Variants in EYS observed in about 807,000 individuals in gnomAD.
EYS encodes protein eyes shut homolog.
EYS carries 250 observed loss-of-function variants against 282.1 expected under a neutral mutation model. The observed-to-expected ratio is 0.89, with a 90% CI of 0.80 to 0.98. EYS has a LOEUF of 0.98. EYS is among the 50% of genes least tolerant of loss of function. The pLI, the probability that EYS is intolerant of heterozygous loss-of-function variation, is 0.00. For synonymous variants in EYS, 1,355 were observed against 1,282.9 expected (o/e 1.06, Z -1.20); for missense variants, 4,016 against 3,709.0 (o/e 1.08, Z -2.15).
chr6:64,011,249 C>T (rs1768609846), intron 33 of EYS, among the ~76,000 whole-genome samples: 1 of 152,104 alleles, frequency 6.6e-6, no homozygotes, highest in Admixed American at 6.6e-5. Context: ...TCACTGCTAG[C>T]ACATAAAAGT....
At chr6:64,663,029 T>C (rs1226305465) in intron 22 of EYS, among the ~76,000 whole-genome samples, 1 of 152,160 alleles carries the variant, frequency 6.6e-6, no homozygotes, top group Non-Finnish European at 1.5e-5. Flanking sequence ...TGAATAGGAA[T>C]GTATTCAAGA....
chr6:64,514,062 ATTC>A (rs1362783966), intron 26 of EYS, among the ~76,000 whole-genome samples: 2 of 151,740 alleles, frequency 1.3e-5, no homozygotes, highest in Non-Finnish European at 1.5e-5. Context: ...TCATTGAATC[ATTC>A]TTCATCTGCA....
chr6:64,111,929 C>T (rs1773218435), intron 31 of EYS, among the ~76,000 whole-genome samples: 1 of 151,936 alleles, frequency 6.6e-6, no homozygotes, highest in Admixed American at 6.6e-5. Flanking sequence ...TATAAAATCC[C>T]AGGTGTACTT....
intron 14 of EYS, among the ~76,000 whole-genome samples, chr6:64,946,339 T>C (rs545224575): frequency 6.6e-6 from 1 of 152,152 alleles, no homozygotes; most frequent in East Asian, 1.9e-4. Flanking sequence ...GACAGATTTA[T>C]TGTTACAGAT....
At chr6:63,750,782 A>G (rs1019915874) in intron 41 of EYS, among the ~76,000 whole-genome samples, 13 of 152,328 alleles carry the variant, frequency 8.5e-5, no homozygotes, top group African/African-American at 2.6e-4. Context: ...TTTGTCTTAC[A>G]ATAGCCTTAG....
chr6:64,554,175 G>T (rs1380328362), intron 26 of EYS, among the ~76,000 whole-genome samples: 2 of 151,992 alleles, frequency 1.3e-5, no homozygotes, highest in Admixed American at 1.3e-4. Context: ...ACTTTCAAAT[G>T]GCTATAGTCC....
At chr6:64,153,268 T>C (rs994828203) in intron 31 of EYS, among the ~76,000 whole-genome samples, 10 of 152,178 alleles carry the variant, frequency 6.6e-5, no homozygotes. Context: ...AACCTAGAGA[T>C]GTTGACACTT....
At chr6:64,282,665 C>T (rs1562285881) in intron 30 of EYS, among the ~76,000 whole-genome samples, 1 of 152,090 alleles carries the variant, frequency 6.6e-6, no homozygotes, top group Non-Finnish European at 1.5e-5. Flanking sequence ...TTGTTTCACA[C>T]CAGTCCCATT....
intron 29 of EYS, among the ~76,000 whole-genome samples, chr6:64,337,328 A>G (rs1770890895): frequency 6.6e-6 from 1 of 152,050 alleles, no homozygotes; most frequent in South Asian, 2.1e-4. Context: ...AATACAAAAG[A>G]TCATTCAAGG....
chr6:64,794,889 C>T (rs1774306482), intron 22 of EYS, among the ~76,000 whole-genome samples: 1 of 152,094 alleles, frequency 6.6e-6, no homozygotes, highest in Non-Finnish European at 1.5e-5. Context: ...CTGCCCAATG[C>T]TAAGCATTTA....
chr6:64,541,755 A>C (rs995543131), intron 26 of EYS, among the ~76,000 whole-genome samples: 11 of 152,154 alleles, frequency 7.2e-5, no homozygotes, highest in Non-Finnish European at 1.2e-4. Context: ...TCATTTCTAC[A>C]TTTGTAAATG....
At chr6:64,984,260 TAC>T (rs2150118498) in intron 14 of EYS, among the ~76,000 whole-genome samples, 1 of 151,368 alleles carries the variant, frequency 6.6e-6, no homozygotes, top group Non-Finnish European at 1.5e-5. Context: ...ATGACCCCAT[TAC>T]AGACTGATTC....
At chr6:65,549,949 A>G (rs1768539678) in intron 2 of EYS, among the ~76,000 whole-genome samples, 1 of 152,028 alleles carries the variant, frequency 6.6e-6, no homozygotes, top group Non-Finnish European at 1.5e-5. Context: ...TGGGCTCTGG[A>G]GTTGGCCAGA....
rs1222082236 is a variant in EYS at position 64,983,408 on chromosome 6, T to C, written c.2259+14174A>G. Among the ~76,000 whole-genome samples, 5 of 151,278 alleles carry C rather than the reference T, an allele frequency of 3.3e-5. No homozygotes were observed. In the Admixed American group the frequency reaches 3.3e-4, roughly 10 times the overall value. On this transcript the variant is annotated intron_variant, in intron 14 of 42. Coordinates refer to ENST00000503581, the MANE Select transcript of EYS (RefSeq NM_001142800.2). ...AATGCGGGAGCATATGAGCTATTTG[T>C]GTCAGGATAAATAGATAATAAATAT...
intron 19 of EYS, among the ~76,000 whole-genome samples, chr6:64,826,652 T>C (rs1765067531): frequency 6.8e-6 from 1 of 147,164 alleles, no homozygotes; most frequent in Admixed American, 6.9e-5. Context: ...AAATTATATA[T>C]ATTCCTATTA....
chr6:65,145,871 C>G (rs1764464153), intron 12 of EYS, among the ~76,000 whole-genome samples: 1 of 151,780 alleles, frequency 6.6e-6, no homozygotes, highest in Non-Finnish European at 1.5e-5. Context: ...TATATCCATT[C>G]CATATAGGAA....
At chr6:64,097,483 C>T (rs555162759) in intron 31 of EYS, among the ~76,000 whole-genome samples, 49 of 152,300 alleles carry the variant, frequency 3.2e-4, no homozygotes, top group Non-Finnish European at 5.7e-4. Flanking sequence ...TCGCTTCTAC[C>T]TTGCAGTTTG....
At chr6:65,501,269 T>A (rs1394353325) in intron 2 of EYS, among the ~76,000 whole-genome samples, 1 of 151,910 alleles carries the variant, frequency 6.6e-6, no homozygotes, top group African/African-American at 2.4e-5. Flanking sequence ...GTATGCAGCC[T>A]TCATCTCAAT....
chr6:63,982,220 C>T (rs1175058846), intron 35 of EYS, among the ~76,000 whole-genome samples: 1 of 151,698 alleles, frequency 6.6e-6, no homozygotes, highest in Non-Finnish European at 1.5e-5. Context: ...GTTTTCTATT[C>T]CTGAATAACA....
Sources: gnomAD v4.1 joint callset for allele counts (sites outside exome capture counted in the v4.1 genomes callset) on GRCh38, gnomAD v4.1.1 for gene constraint, MANE v1.5 for transcripts, NCBI Gene and HGNC (gene_info 2026-07-23, HGNC 2026-07-21) for gene names.